The following ADGB variants were observed in gnomAD, a reference collection of about 807,000 sequenced individuals.
The protein encoded by ADGB is androglobin, also known as calpain-7-like protein.
ADGB carries 172 observed loss-of-function variants against 210.5 expected under a neutral mutation model. That is an observed-to-expected ratio of 0.82 (90% CI 0.72 to 0.93). ADGB has a LOEUF of 0.93. ADGB is among the 40% of genes least tolerant of loss of function. The pLI is 0.00. For missense variants in ADGB, 2,025 were observed against 1,964.8 expected (o/e 1.03, Z -0.58); for synonymous variants, 658 against 662.7 (o/e 0.99, Z 0.11).
intron 25 of ADGB, among the ~76,000 whole-genome samples, chr6:146,745,149 C>G (rs1777211212): frequency 6.6e-6 from 1 of 152,162 alleles, no homozygotes; most frequent in Non-Finnish European, 1.5e-5. Flanking sequence ...CTAATTTTTA[C>G]TTCTGGAAAT....
In ADGB at chr6:146,736,607, G is replaced by T; in HGVS notation, c.2888+16G>T. On this transcript the variant is annotated intron_variant, in intron 23 of 35. Transcript: ENST00000397944. The stretch of plus-strand genomic sequence containing the variant: ...CTCTCTTAAGGTAAAGCAGTCAAAT[G>T]ATATTTTTATTGCAGTATATTGTCC... 4.0e-6 allele frequency: 6 copies of T among 1,504,678 alleles called. No homozygotes were observed. The highest frequency in any genetic ancestry group is 5.4e-6 in the Non-Finnish European group (6 of 1,115,138). 93.2% of individuals were successfully genotyped at this position (1,504,678 alleles called of 1,614,324 possible).
chr6:146,649,940 A>T (rs1775676553), intron 3 of ADGB, among the ~76,000 whole-genome samples: 1 of 152,240 alleles, frequency 6.6e-6, no homozygotes, highest in Non-Finnish European at 1.5e-5. Flanking sequence ...ATACACATAC[A>T]TATACCTAAA....
chr6:146,789,212 T>G (rs1439182242), intron 33 of ADGB, among the ~76,000 whole-genome samples: 1 of 152,156 alleles, frequency 6.6e-6, no homozygotes, highest in Non-Finnish European at 1.5e-5. Flanking sequence ...GTCCTATTAA[T>G]GCATTTGGAG....
intron 10 of ADGB, among the ~76,000 whole-genome samples, chr6:146,690,685 A>G (rs1776292163): frequency 6.6e-6 from 1 of 152,212 alleles, no homozygotes; most frequent in South Asian, 2.1e-4. Context: ...CAAGACAGCC[A>G]CTTACCACTG....
chr6:146,685,781 A>G lies in ADGB; in HGVS notation c.1264A>G (p.Thr422Ala). 6.5e-7 allele frequency: 1 copy of G among 1,542,406 alleles called. No homozygotes were observed. Among genetic ancestry groups the G allele is most frequent in the Non-Finnish European group, 8.7e-7 (1 of 1,143,100 alleles). The part of the protein sequence containing the change: ...TSHMVVYATF[T>A]PLYLFENKIF... ...TCATATGGTCGTATATGCGACATTT[A>G]CACCTCTTTATTTGTTTGAAAACAA... The change falls in exon 10 of 36, where the codon ACA becomes GCA. Residue 422 changes from threonine (T) to alanine (A), a missense_variant. Coordinates refer to ENST00000397944, the MANE Select transcript of ADGB (RefSeq NM_024694.4).
At chr6:146,642,157 A>G (rs188034287) in intron 2 of ADGB, among the ~76,000 whole-genome samples, 64 of 152,224 alleles carry the variant, frequency 4.2e-4, no homozygotes, top group African/African-American at 1.4e-3. Context: ...CATATGAAAA[A>G]AAGCTCAATA....
Position 146,600,470 on chromosome 6 carries a change from AT to A in ADGB, c.74+1358del, listed in dbSNP as rs554375871. 6.6e-3 allele frequency: 1,029 copies of A among 156,584 alleles called. 11 individuals carry two copies. The highest frequency in any genetic ancestry group is 0.023 in the African/African-American group (965 of 41,592). The allele number at this position is 156,584 out of a possible 1,614,324, so 9.7% of individuals were successfully genotyped here. On this transcript the variant is annotated intron_variant, in intron 1 of 35. Coordinates refer to ENST00000397944, the MANE Select transcript of ADGB (RefSeq NM_024694.4). ...GGCCTTTGCACTTGCTGTTTCCCCTATTGGAAAGCTTTTCTGCTCAAATATC... is the reference window on the plus strand; with the variant it reads ...GGCCTTTGCACTTGCTGTTTCCCCTATGGAAAGCTTTTCTGCTCAAATATC...
chr6:146,604,011 A>C (rs113811735), intron 1 of ADGB, among the ~76,000 whole-genome samples: 75 of 152,310 alleles, frequency 4.9e-4, no homozygotes, highest in African/African-American at 1.8e-3. Context: ...GGTCCAGTTC[A>C]CATAGCTCAC....
chr6:146,796,664 T>A (rs1009974416), intron 33 of ADGB, among the ~76,000 whole-genome samples: 1 of 152,048 alleles, frequency 6.6e-6, no homozygotes, highest in Non-Finnish European at 1.5e-5. Context: ...AAGCCACACG[T>A]AGAAGAATGA....
intron 1 of ADGB, among the ~76,000 whole-genome samples, chr6:146,605,488 T>C (rs913373882): frequency 6.6e-6 from 1 of 152,176 alleles, no homozygotes; most frequent in African/African-American, 2.4e-5. Context: ...CCTCGCCTTA[T>C]TTATTTTGCA....
chr6:146,785,603 T>G lies in ADGB; in HGVS notation c.4213-7T>G. The stretch of plus-strand genomic sequence containing the variant: ...CTTTTAAAAAGCTGCTCATGTTTGT[T>G]TTTTAGGCTTCTCAGGCTCGTTTGC... On this transcript the variant is annotated splice_region_variant and splice_polypyrimidine_tract_variant and intron_variant, in intron 31 of 35. Transcript: ENST00000397944. 6.5e-7 allele frequency: 1 copy of G among 1,548,462 alleles called. No homozygotes were observed. Among genetic ancestry groups the G allele is most frequent in the Non-Finnish European group, 8.7e-7 (1 of 1,144,360 alleles).
chr6:146,660,399 C>T (rs944425347), intron 5 of ADGB, among the ~76,000 whole-genome samples: 10 of 152,030 alleles, frequency 6.6e-5, no homozygotes, highest in Admixed American at 2.6e-4. Context: ...GAAAGTTCCC[C>T]GTAATTTTAC....
chr6:146,761,153 A>G (rs191513686), intron 27 of ADGB, among the ~76,000 whole-genome samples: 104 of 152,092 alleles, frequency 6.8e-4, no homozygotes, highest in Non-Finnish European at 6.5e-4. Flanking sequence ...TTATCTAAGA[A>G]ATATTTACCT....
At chr6:146,601,558 C>G (rs1780557276) in intron 1 of ADGB, among the ~76,000 whole-genome samples, 1 of 152,116 alleles carries the variant, frequency 6.6e-6, no homozygotes, top group Non-Finnish European at 1.5e-5. Context: ...TAGCAAGGCT[C>G]TAGTATGATT....
rs1359356724 is a variant in ADGB, at chr6:146,785,731, C to T, written c.4315+19C>T. On this transcript the variant is annotated intron_variant, in intron 32 of 35. Coordinates refer to ENST00000397944, the MANE Select transcript of ADGB (RefSeq NM_024694.4). ...GAAGAAGGTGAGTGGATCCTACCAC[C>T]CCAGCTGCCTCAGAGCACAGAGCTG... The T allele has an allele frequency of 1.3e-6, 2 of 1,513,966 alleles. No homozygotes were observed. Among genetic ancestry groups the T allele is most frequent in the Admixed American group, 2.0e-5 (1 of 50,866 alleles). The allele number at this position is 1,513,966 out of a possible 1,614,324, so 93.8% of individuals were successfully genotyped here. A position where few individuals can be genotyped will look rare whatever the true frequency, so the allele number is the denominator to read the frequency against.
chr6:146,699,846 G>A (rs796818175), intron 12 of ADGB, among the ~76,000 whole-genome samples: 9 of 152,068 alleles, frequency 5.9e-5, no homozygotes, highest in African/African-American at 1.7e-4. Flanking sequence ...ATGCCAATAG[G>A]GACCCCAAAT....
At chr6:146,717,732 GT>G (rs1241437832) in intron 16 of ADGB, 133 bp downstream of exon 16, 14 of 461,542 alleles carry the variant, frequency 3.0e-5, no homozygotes, top group Non-Finnish European at 4.2e-5. Context: ...AATTTTTAGA[GT>G]CTCTCACTAA....
intron 13 of ADGB, among the ~76,000 whole-genome samples, chr6:146,703,457 T>C (rs1477462114): frequency 1.3e-5 from 2 of 151,754 alleles, no homozygotes; most frequent in African/African-American, 4.8e-5. Context: ...AAATCAGATC[T>C]CTTGAATTTA....
intron 1 of ADGB, among the ~76,000 whole-genome samples, chr6:146,631,890 C>T (rs1217466466): frequency 2.0e-5 from 3 of 151,632 alleles, no homozygotes; most frequent in African/African-American, 7.3e-5. Flanking sequence ...TTTCTAAATT[C>T]AACATTTAGT....
Sources: gnomAD v4.1 joint callset for allele counts (sites outside exome capture counted in the v4.1 genomes callset) on GRCh38, gnomAD v4.1.1 for gene constraint, MANE v1.5 for transcripts, NCBI Gene and HGNC (gene_info 2026-07-23, HGNC 2026-07-21) for gene names.